ARMC2: variants seen among roughly 807,000 people sequenced by gnomAD.
ARMC2 encodes armadillo repeat containing 2, also known as armadillo repeat-containing protein 2.
A neutral mutation model predicts 90.3 loss-of-function variants in ARMC2; 67 were observed. That is an observed-to-expected ratio of 0.74 (90% CI 0.61 to 0.91). The LOEUF (loss-of-function observed/expected upper bound fraction) is 0.91. ARMC2 is among the 40% of genes least tolerant of loss of function. The pLI is 0.00. For synonymous variants in ARMC2, 393 were observed against 393.0 expected, an observed-to-expected ratio of 1.00 and a Z score of 0.00; for missense variants, 920 against 1,030.9, an observed-to-expected ratio of 0.89 and a Z score of 1.47.
chr6:108,919,993 C>T (rs1774394530), intron 10 of ARMC2, among the ~76,000 whole-genome samples: 1 of 152,120 alleles, frequency 6.6e-6, no homozygotes, highest in African/African-American at 2.4e-5. Flanking sequence ...CATCCAGCTC[C>T]TCCCAGTGGT....
chr6:108,998,230 C>A, the ARMC2 span, among the ~76,000 whole-genome samples: 1 of 152,278 alleles, frequency 6.6e-6, no homozygotes, highest in South Asian at 2.1e-4. Flanking sequence ...TTGGTCCTGA[C>A]GGGACACATG....
At chr6:108,941,308 A>AT (rs1343026221) in intron 12 of ARMC2, among the ~76,000 whole-genome samples, 1 of 152,114 alleles carries the variant, frequency 6.6e-6, no homozygotes, top group Non-Finnish European at 1.5e-5. Context: ...TCAGTGCAAC[A>AT]TTTTTAAGAC....
At chr6:108,961,739 G>A (rs766545953) in intron 14 of ARMC2, 45 bp downstream of exon 14, 50 of 1,535,054 alleles carry the variant, frequency 3.3e-5, no homozygotes, top group Non-Finnish European at 4.3e-5. Flanking sequence ...CTCATTTGAA[G>A]TTTCGATTTT....
the ARMC2 span, chr6:109,009,357 A>G: frequency 6.8e-7 from 1 of 1,468,022 alleles, no homozygotes; most frequent in South Asian, 1.3e-5. Context: ...TCGCCCAGGT[A>G]CCTCGTCCTG....
At position 108,941,334 on chromosome 6, in the gene ARMC2, A is replaced by G. The variant is rs541346279; in HGVS notation, c.1596+4335A>G. On this transcript the variant is annotated intron_variant, in intron 12 of 17. Coordinates refer to ENST00000392644, the MANE Select transcript of ARMC2 (RefSeq NM_032131.6). ...TTTTTAAGACTTTAACATAGCTGAT[A>G]CCCCCAGCTAGTACACTCAGAGCTA... Among the ~76,000 whole-genome samples the G allele has an allele frequency of 3.9e-5, 6 of 152,224 alleles. No homozygotes were observed. In the South Asian group the frequency reaches 1.2e-3, roughly 32 times the overall value.
the ARMC2 span, chr6:109,000,691 A>AT: frequency 1.3e-6 from 2 of 1,505,830 alleles, no homozygotes; most frequent in Non-Finnish European, 1.8e-6. Context: ...CAAAAAGATT[A>AT]TTCTAATTAT....
chr6:109,024,186 A>G, the ARMC2 span, among the ~76,000 whole-genome samples: 1 of 152,238 alleles, frequency 6.6e-6, no homozygotes, highest in African/African-American at 2.4e-5. Context: ...TATTCAGTGG[A>G]AAACCCTTCA....
At chr6:108,866,004 G>A (rs950769890) in intron 3 of ARMC2, among the ~76,000 whole-genome samples, 5 of 141,688 alleles carry the variant, frequency 3.5e-5, no homozygotes, top group Admixed American at 2.9e-4. Context: ...GTGACAGAAT[G>A]AGACCCTGTC....
chr6:108,983,004 G>A, the ARMC2 span, among the ~76,000 whole-genome samples: 2 of 150,500 alleles, frequency 1.3e-5, no homozygotes, highest in African/African-American at 2.4e-5. Flanking sequence ...TTTGTGTAGA[G>A]ACGGGGGTTT....
At chr6:108,937,340 G>A (rs139596652) in intron 12 of ARMC2, among the ~76,000 whole-genome samples, 9 of 152,266 alleles carry the variant, frequency 5.9e-5, no homozygotes, top group East Asian at 1.9e-4. Context: ...GGTTATTTCC[G>A]TAATGGTTAT....
At chr6:108,986,121 T>C in the ARMC2 span, among the ~76,000 whole-genome samples, 3 of 152,336 alleles carry the variant, frequency 2.0e-5, no homozygotes, top group Admixed American at 2.0e-4. Context: ...TATTTCTACT[T>C]GTCTGATGAG....
chr6:109,035,321 T>A, the ARMC2 span, among the ~76,000 whole-genome samples: 1 of 152,152 alleles, frequency 6.6e-6, no homozygotes, highest in East Asian at 1.9e-4. Context: ...GAGAGCTAAG[T>A]CAGGTATTTT....
chr6:108,992,952 T>C, the ARMC2 span: 1 of 1,194,996 alleles, frequency 8.4e-7, no homozygotes. Context: ...TAGTTAAAAT[T>C]GATTTTACCC....
At chr6:109,005,114 G>C in the ARMC2 span, among the ~76,000 whole-genome samples, 1 of 152,182 alleles carries the variant, frequency 6.6e-6, no homozygotes, top group Non-Finnish European at 1.5e-5. Flanking sequence ...AATGCCATAC[G>C]TAAAAGGATA....
At chr6:108,912,305 G>A in intron 9 of ARMC2, 30 bp from the exon 10 acceptor site, 1 of 1,493,026 alleles carries the variant, frequency 6.7e-7, no homozygotes, top group South Asian at 1.2e-5. Context: ...GTTATACTCA[G>A]ACATTTATAA....
At chr6:108,998,381 G>A in the ARMC2 span, 1 of 988,606 alleles carries the variant, frequency 1.0e-6, no homozygotes, top group Non-Finnish European at 1.5e-6. Flanking sequence ...CCTACTGAAT[G>A]AATAGATATA....
chr6:108,864,253 CTT>C (rs67415721), intron 3 of ARMC2, among the ~76,000 whole-genome samples: 48 of 136,884 alleles, frequency 3.5e-4, no homozygotes, highest in Middle Eastern at 3.7e-3. Flanking sequence ...TTTTTCTTTT[CTT>C]TTTTTTTTTT....
intron 11 of ARMC2, among the ~76,000 whole-genome samples, chr6:108,930,026 C>G (rs1413391783): frequency 6.6e-6 from 1 of 151,596 alleles, no homozygotes; most frequent in Non-Finnish European, 1.5e-5. Flanking sequence ...ACTTGAGAGG[C>G]TGAGGTGGAA....
intron 5 of ARMC2, among the ~76,000 whole-genome samples, chr6:108,881,292 C>T (rs1440867988): frequency 3.5e-4 from 5 of 14,304 alleles, no homozygotes; most frequent in Admixed American, 2.1e-3. Flanking sequence ...CCTCCCCTCC[C>T]CTCCCCTTCC....
Sources: gnomAD v4.1 joint callset for allele counts (sites outside exome capture counted in the v4.1 genomes callset) on GRCh38, gnomAD v4.1.1 for gene constraint, MANE v1.5 for transcripts, NCBI Gene and HGNC (gene_info 2026-07-23, HGNC 2026-07-21) for gene names.